Variants in SVOPL observed in about 807,000 individuals in gnomAD.
SVOPL encodes the protein SVOP like.
A neutral mutation model predicts 61.0 loss-of-function variants in SVOPL; 60 were observed. The ratio of observed to expected loss-of-function variants is 0.98; its 90% confidence interval spans 0.80 to 1.22. The LOEUF is 1.22. Ranked by LOEUF, SVOPL falls within the 50% of genes most tolerant of loss-of-function variation. The pLI is 0.00. For missense variants in SVOPL, 662 were observed against 643.9 expected (o/e 1.03, Z -0.30); for synonymous variants, 279 against 250.0 (o/e 1.12, Z -1.09).
intron 3 of SVOPL, among the ~76,000 whole-genome samples, chr7:138,675,963 C>T (rs1802549279): frequency 6.6e-6 from 1 of 152,192 alleles, no homozygotes; most frequent in Admixed American, 6.5e-5. Flanking sequence ...CTCAGCCTCC[C>T]AAGTAGCTGG....
At chr7:138,616,509 T>C (rs1799310758) in intron 14 of SVOPL, among the ~76,000 whole-genome samples, 1 of 152,082 alleles carries the variant, frequency 6.6e-6, no homozygotes, top group South Asian at 2.1e-4. Flanking sequence ...GCTAATTTTA[T>C]ATTTTTAGTA....
chr7:138,646,793 A>C (rs1046431626), intron 8 of SVOPL, among the ~76,000 whole-genome samples: 2 of 152,192 alleles, frequency 1.3e-5, no homozygotes, highest in Admixed American at 1.3e-4. Flanking sequence ...TGCTGGGATT[A>C]CAAACATGAG....
intron 12 of SVOPL, 69 bp from the exon 13 acceptor site, chr7:138,626,119 C>G (rs1056262310): frequency 1.4e-6 from 2 of 1,448,684 alleles, no homozygotes; most frequent in Non-Finnish European, 1.9e-6. Flanking sequence ...GGCCCAGCTT[C>G]GAGTGCACTG....
chr7:138,689,284 C>A (rs1344098779), intron 1 of SVOPL: 2 of 1,586,920 alleles, frequency 1.3e-6, no homozygotes, highest in African/African-American at 1.3e-5. Context: ...GAGAGCAATG[C>A]AGAACTTAAG....
At chr7:138,655,740 T>TA (rs1801698841) in intron 7 of SVOPL, among the ~76,000 whole-genome samples, 2 of 151,020 alleles carry the variant, frequency 1.3e-5, no homozygotes, top group Admixed American at 6.6e-5. Flanking sequence ...AGATATATAT[T>TA]CATTTATTAC....
chr7:138,643,422 C>CAAAAAAAA (rs36014220), intron 9 of SVOPL, among the ~76,000 whole-genome samples: 7 of 67,310 alleles, frequency 1.0e-4, no homozygotes, highest in African/African-American at 2.6e-4. Flanking sequence ...GACTCCATCT[C>CAAAAAAAA]AAAAAAAAAA....
intron 1 of SVOPL, among the ~76,000 whole-genome samples, chr7:138,685,331 G>T (rs548550256): frequency 6.6e-6 from 1 of 152,136 alleles, no homozygotes; most frequent in East Asian, 1.9e-4. Flanking sequence ...AACAAGCCAG[G>T]CACAGAATAA....
chr7:138,663,064 C>T lies in SVOPL; in HGVS notation c.345+10G>A, dbSNP rs1314784292. ...GACAATTCCAAATGCTACTGTGAGGCCCCACCTACCTTCCAGCGGCCATAT... is the reference window on the plus strand; with the variant it reads ...GACAATTCCAAATGCTACTGTGAGGTCCCACCTACCTTCCAGCGGCCATAT... On this transcript the variant is annotated intron_variant, in intron 5 of 15. Transcript: ENST00000674285. 6.2e-7 allele frequency: 1 copy of T among 1,614,094 alleles called. No homozygotes were observed. The highest frequency in any genetic ancestry group is 2.2e-5 in the East Asian group (1 of 44,884).
intron 14 of SVOPL, among the ~76,000 whole-genome samples, chr7:138,615,560 CA>C (rs770404185): frequency 0.053 from 292 of 5,518 alleles, no homozygotes; most frequent in African/African-American, 0.092. Flanking sequence ...ACTCCGTCTC[CA>C]AAAAAAAAAA....
At chr7:138,671,967 G>GTGT (rs1802430326) in intron 4 of SVOPL, 52 bp downstream of exon 4, 1 of 1,506,378 alleles carries the variant, frequency 6.6e-7, no homozygotes, top group African/African-American at 1.4e-5. Context: ...TGGAGGAAAG[G>GTGT]GAGCCTACGC....
At chr7:138,635,845 T>G (rs541554372) in intron 9 of SVOPL, among the ~76,000 whole-genome samples, 1 of 152,262 alleles carries the variant, frequency 6.6e-6, no homozygotes, top group Admixed American at 6.5e-5. Flanking sequence ...TTAAGAGGGT[T>G]ATAAAGCTAT....
At chr7:138,608,032 TA>T (rs1348055770) in intron 14 of SVOPL, among the ~76,000 whole-genome samples, 1 of 152,098 alleles carries the variant, frequency 6.6e-6, no homozygotes, top group Non-Finnish European at 1.5e-5. Context: ...CAAAATGCCA[TA>T]AGATGCCTAG....
chr7:138,634,603 A>G (rs1336673207), intron 9 of SVOPL, among the ~76,000 whole-genome samples: 3 of 152,092 alleles, frequency 2.0e-5, no homozygotes, highest in Non-Finnish European at 4.4e-5. Flanking sequence ...AGCCAAGGTC[A>G]CACCACTGCA....
intron 4 of SVOPL, among the ~76,000 whole-genome samples, chr7:138,666,298 G>A (rs1009753084): frequency 6.6e-6 from 1 of 152,168 alleles, no homozygotes; most frequent in South Asian, 2.1e-4. Flanking sequence ...GAGCTTCTCT[G>A]TTATTTTAGG....
chr7:138,682,467 AAAC>A (rs151168614), intron 1 of SVOPL, among the ~76,000 whole-genome samples: 1,551 of 152,326 alleles, frequency 0.01, 30 homozygotes, highest in African/African-American at 0.036. Context: ...GAAACATGTT[AAAC>A]AACACCATGT....
At chr7:138,678,633 G>C (rs568316310) in intron 2 of SVOPL, 108 bp from the exon 3 acceptor site, 7 of 1,102,490 alleles carry the variant, frequency 6.3e-6, no homozygotes, top group Non-Finnish European at 9.1e-6. Flanking sequence ...AAGTTAATAC[G>C]GGGGGTCAGT....
rs143888457 is a variant in SVOPL, at chr7:138,659,262, C to T, written c.470+602G>A. ...ATCCTAGCACTTAGGGAGGCCAAGGCGGGTGGATTACCTGAGGTCAAGAGT... is the reference window on the plus strand; with the variant it reads ...ATCCTAGCACTTAGGGAGGCCAAGGTGGGTGGATTACCTGAGGTCAAGAGT... On this transcript the variant is annotated intron_variant, in intron 6 of 15. Coordinates refer to ENST00000674285, the MANE Select transcript of SVOPL (RefSeq NM_001139456.2). 1.7e-3 allele frequency among the ~76,000 whole-genome samples: 260 copies of T among 152,172 alleles called. 5 individuals are homozygous for T. The East Asian group carries it at 0.042, about 25-fold the overall frequency.
chr7:138,601,756 A>C (rs532296137), intron 14 of SVOPL, among the ~76,000 whole-genome samples: 1 of 152,106 alleles, frequency 6.6e-6, no homozygotes, highest in Non-Finnish European at 1.5e-5. Context: ...CCTAGAAATT[A>C]TTCAATAGAC....
At chr7:138,660,605 G>C (rs1801960114) in intron 5 of SVOPL, 1 of 985,360 alleles carries the variant, frequency 1.0e-6, no homozygotes, top group Non-Finnish European at 1.2e-6. Context: ...AGTTTAAGTT[G>C]TTTCAGATCT....
Sources: allele counts gnomAD v4.1 joint callset (sites outside exome capture counted in the v4.1 genomes callset), GRCh38; gene constraint gnomAD v4.1.1; transcripts MANE v1.5; gene names NCBI Gene and HGNC (gene_info 2026-07-23, HGNC 2026-07-21).